WDR64: variants seen among roughly 807,000 people sequenced by gnomAD.
WDR64 encodes WD repeat domain 64, also known as WD repeat-containing protein 64.
In WDR64, 112 loss-of-function variants were observed where a neutral mutation model predicts 139.3. That is an observed-to-expected ratio of 0.80 (90% CI 0.69 to 0.94). The LOEUF (loss-of-function observed/expected upper bound fraction) is 0.94, where lower values mean the gene tolerates loss of function less well. Ranked by LOEUF, WDR64 falls within the 40% of genes least tolerant of loss-of-function variation. The pLI, the probability that WDR64 is intolerant of heterozygous loss-of-function variation, is 0.00. For missense variants in WDR64, 1,206 were observed against 1,293.1 expected (o/e 0.93, Z 1.03); for synonymous variants, 444 against 437.7 (o/e 1.01, Z -0.18).
Position 241,780,075 on chromosome 1 carries a change from G to T in WDR64, c.2595+13G>T, listed in dbSNP as rs538792140. 5.7e-6 allele frequency: 9 copies of T among 1,586,434 alleles called. No individual in the cohort carries two copies. In the African/African-American group the frequency reaches 1.2e-4, roughly 22 times the overall value. ...TCATGATGAAAAGGTAAGAACTTCA[G>T]TTTTCCACTTTAATTTATGAGTCAG... On this transcript the variant is annotated intron_variant, in intron 22 of 27. Coordinates refer to ENST00000437684, the MANE Select transcript of WDR64 (RefSeq NM_001367482.1).
intron 4 of WDR64, among the ~76,000 whole-genome samples, 171 bp downstream of exon 4, chr1:241,674,918 T>TGCCTCCC (rs1666422160): frequency 1.6e-5 from 1 of 62,820 alleles, no homozygotes; most frequent in Non-Finnish European, 3.8e-5. Context: ...TATTCCTTCC[T>TGCCTCCC]TCCTTCTTTC....
chr1:241,767,819 C>A (rs1363492928), intron 16 of WDR64, among the ~76,000 whole-genome samples: 1 of 152,080 alleles, frequency 6.6e-6, no homozygotes, highest in Non-Finnish European at 1.5e-5. Flanking sequence ...TCTGCAGACC[C>A]CCCTTTCTGC....
rs768724038 is a variant in WDR64 at position 241,660,591 on chromosome 1, G to C, written c.207G>C (p.Lys69Asn). 2 of 1,551,746 alleles carry C rather than the reference G, an allele frequency of 1.3e-6. No homozygotes were observed. The highest frequency in any genetic ancestry group is 1.7e-6 in the Non-Finnish European group (2 of 1,146,880). ...SVQKLFGPDV[K>N]NQDVKRFYRK... ...AGAAGCTCTTTGGTCCAGATGTGAA[G>C]AATCAAGATGTGAAACGCTTTTACA... The change falls in exon 2 of 28, where the codon AAG becomes AAC. Residue 69 changes from lysine (K) to asparagine (N), a missense_variant. Lys to Asn is a moderately conservative substitution (Grantham distance 94, BLOSUM62 0). Transcript: ENST00000437684.
At position 241,744,536 on chromosome 1, in the gene WDR64, T is replaced by G; in HGVS notation, c.1594+20T>G. 1 of 1,612,108 alleles carries G rather than the reference T, an allele frequency of 6.2e-7. No individual in the cohort carries two copies. The highest frequency in any genetic ancestry group is 8.5e-7 in the Non-Finnish European group (1 of 1,179,532). ...ATAATGGTCAGACTAACATCCAGAA[T>G]GTGGCGTCCCTGCTTTAGTGTCCTG... On this transcript the variant is annotated intron_variant, in intron 13 of 27. Transcript: ENST00000437684.
intron 21 of WDR64, among the ~76,000 whole-genome samples, chr1:241,777,241 CT>C (rs201760652): frequency 2.0e-5 from 3 of 151,148 alleles, no homozygotes; most frequent in South Asian, 2.1e-4. Context: ...CAGGTGTATG[CT>C]TTTTTTTTCC....
intron 9 of WDR64, among the ~76,000 whole-genome samples, chr1:241,719,185 G>C (rs896459382): frequency 7.2e-5 from 11 of 151,890 alleles, no homozygotes; most frequent in Non-Finnish European, 1.3e-4. Context: ...TTTTTTGTTT[G>C]AATACATGTT....
In WDR64 at chr1:241,780,097, T is replaced by G. The variant is rs142222053; in HGVS notation, c.2595+35T>G. 2.6e-3 allele frequency: 3,916 copies of G among 1,500,080 alleles called. 38 individuals are homozygous for G. Among genetic ancestry groups the G allele is most frequent in the South Asian group, 0.018 (1,469 of 83,582 alleles). The allele number at this position is 1,500,080 out of a possible 1,614,324, so 92.9% of individuals were successfully genotyped here. On this transcript the variant is annotated intron_variant, in intron 22 of 27. Coordinates refer to ENST00000437684, the MANE Select transcript of WDR64 (RefSeq NM_001367482.1). ...TCAGTTTTCCACTTTAATTTATGAGTCAGCATATATTTATTGAGCATTTCT... is the reference window on the plus strand; with the variant it reads ...TCAGTTTTCCACTTTAATTTATGAGGCAGCATATATTTATTGAGCATTTCT...
chr1:241,704,649 A>C (rs1240210048), intron 8 of WDR64, among the ~76,000 whole-genome samples: 1 of 152,214 alleles, frequency 6.6e-6, no homozygotes, highest in African/African-American at 2.4e-5. Flanking sequence ...TTACATCTAA[A>C]GGGCAAATAT....
chr1:241,744,198 G>C (rs1669658445), intron 12 of WDR64, among the ~76,000 whole-genome samples, 195 bp from the exon 13 acceptor site: 1 of 152,212 alleles, frequency 6.6e-6, no homozygotes, highest in Non-Finnish European at 1.5e-5. Flanking sequence ...ATTTGCAGCA[G>C]ACACAGTAAC....
intron 27 of WDR64, among the ~76,000 whole-genome samples, chr1:241,797,542 A>T (rs940186561): frequency 1.4e-4 from 22 of 152,222 alleles, no homozygotes; most frequent in African/African-American, 4.6e-4. Context: ...ATACATAACA[A>T]ATACTGACAA....
intron 10 of WDR64, among the ~76,000 whole-genome samples, chr1:241,725,009 A>C (rs748892023): frequency 2.6e-5 from 4 of 152,122 alleles, no homozygotes; most frequent in Non-Finnish European, 4.4e-5. Flanking sequence ...CTATACTCAT[A>C]AACAAAGTTA....
chr1:241,702,758 C>G (rs896055320), intron 8 of WDR64, among the ~76,000 whole-genome samples: 1 of 152,114 alleles, frequency 6.6e-6, no homozygotes, highest in African/African-American at 2.4e-5. Flanking sequence ...ATCTTATGAC[C>G]CATAAAATTG....
intron 13 of WDR64, among the ~76,000 whole-genome samples, chr1:241,746,554 G>C (rs1458554136): frequency 6.7e-6 from 1 of 148,842 alleles, no homozygotes; most frequent in East Asian, 1.9e-4. Context: ...CAGATTTATT[G>C]ATAATAACCA....
chr1:241,683,714 T>C lies in WDR64; in HGVS notation c.839+13T>C, dbSNP rs912154745. ...AGAACTTTAAAAGGTAAGAGTATCA[T>C]ACAGTTAATTTAATTCTTTTAATAA... On this transcript the variant is annotated intron_variant, in intron 7 of 27. Coordinates refer to ENST00000437684, the MANE Select transcript of WDR64 (RefSeq NM_001367482.1). 2.1e-5 allele frequency: 32 copies of C among 1,501,674 alleles called. No individual in the cohort carries two copies. The highest frequency in any genetic ancestry group is 2.7e-5 in the Non-Finnish European group (30 of 1,118,074). The allele number at this position is 1,501,674 out of a possible 1,614,324, so 93.0% of individuals were successfully genotyped here.
intron 16 of WDR64, 62 bp downstream of exon 16, chr1:241,766,413 G>C: frequency 6.5e-7 from 1 of 1,547,782 alleles, no homozygotes; most frequent in Non-Finnish European, 8.7e-7. Context: ...TCAGTAGCAT[G>C]CAACACTCAG....
chr1:241,740,440 C>G lies in WDR64; in HGVS notation c.1322-1076C>G, dbSNP rs542827640. ...ATACAACCAGATGAGCCATCTCAGTCCGTATTTACACATGAACAGGTTTTA... is the reference window on the plus strand; with the variant it reads ...ATACAACCAGATGAGCCATCTCAGTGCGTATTTACACATGAACAGGTTTTA... On this transcript the variant is annotated intron_variant, in intron 11 of 27. Transcript: ENST00000437684. Among the ~76,000 whole-genome samples, 51 of 152,252 alleles carry G rather than the reference C, an allele frequency of 3.3e-4. No individual in the cohort carries two copies. The East Asian group carries it at 9.7e-3, about 29-fold the overall frequency.
At chr1:241,707,159 G>A (rs1453485611) in intron 8 of WDR64, among the ~76,000 whole-genome samples, 2 of 152,058 alleles carry the variant, frequency 1.3e-5, no homozygotes, top group Admixed American at 1.3e-4. Flanking sequence ...CTCAACTGAT[G>A]GACACTCTCA....
Position 241,744,467 on chromosome 1 carries a change from T to A in WDR64, c.1545T>A (p.Ser515=). The change falls in exon 13 of 28, where the codon TCT becomes TCA. Residue 515 remains serine, a synonymous_variant. Transcript: ENST00000437684. The part of the protein sequence containing the change: ...EPHGFNTEVT[S]AAVDESGFLF... Reference sequence around the variant, plus strand: ...ATGGTTTCAATACTGAAGTGACTTCTGCAGCTGTCGATGAAAGTGGATTTC... The same window carrying A: ...ATGGTTTCAATACTGAAGTGACTTCAGCAGCTGTCGATGAAAGTGGATTTC... 6.2e-7 allele frequency: 1 copy of A among 1,614,192 alleles called. No individual in the cohort carries two copies. Among genetic ancestry groups the A allele is most frequent in the East Asian group, 2.2e-5 (1 of 44,880 alleles).
chr1:241,708,521 C>T (rs894918488), intron 8 of WDR64, among the ~76,000 whole-genome samples: 32 of 152,148 alleles, frequency 2.1e-4, no homozygotes, highest in African/African-American at 7.5e-4. Flanking sequence ...ACCATGTTGG[C>T]CAGGCTGGTC....
Sources: gnomAD v4.1 joint callset for allele counts (sites outside exome capture counted in the v4.1 genomes callset) on GRCh38, gnomAD v4.1.1 for gene constraint, MANE v1.5 for transcripts, NCBI Gene and HGNC (gene_info 2026-07-23, HGNC 2026-07-21) for gene names.